The following FAM184A variants were observed in gnomAD, a reference collection of about 807,000 sequenced individuals.
FAM184A encodes the protein protein FAM184A.
In FAM184A, 99 loss-of-function variants were observed where a neutral mutation model predicts 143.8. The ratio of observed to expected loss-of-function variants is 0.69; its 90% CI spans 0.58 to 0.81. The LOEUF is 0.81. Among genes scored for constraint, FAM184A ranks in the 40% least tolerant of loss-of-function variants. The probability of loss-of-function intolerance (pLI) is 0.00; values close to 1 mark genes in which losing one functional copy is unlikely to be tolerated. For synonymous variants in FAM184A, 427 were observed against 446.4 expected (o/e 0.96, Z 0.55); for missense variants, 1,217 against 1,310.5 (o/e 0.93, Z 1.10).
chr6:119,048,346 T>C (rs1415465063), intron 1 of FAM184A, among the ~76,000 whole-genome samples: 1 of 152,134 alleles, frequency 6.6e-6, no homozygotes, highest in Non-Finnish European at 1.5e-5. Flanking sequence ...CTCTCACCAC[T>C]CTTATTCAAC....
Position 119,024,395 on chromosome 6 carries a change from G to C in FAM184A, c.578C>G (p.Ala193Gly). The change falls in exon 2 of 18, where the codon GCT becomes GGT. Residue 193 changes from alanine (A) to glycine (G), a missense_variant. Transcript: ENST00000338891. ...TAGCTCTTGTATCTCCCGTCTGTGA[G>C]CAGCTTGCAAGTCTTCCAATGCCAA... ...KRLALEDLQA[A>G]HRREIQELLK... is the part of the protein sequence containing the mutation. 6.2e-7 allele frequency: 1 copy of C among 1,614,156 alleles called. No homozygotes were observed. The highest frequency in any genetic ancestry group is 8.5e-7 in the Non-Finnish European group (1 of 1,180,042).
At chr6:119,036,880 AG>A (rs1198863128) in intron 1 of FAM184A, among the ~76,000 whole-genome samples, 4 of 152,224 alleles carry the variant, frequency 2.6e-5, no homozygotes, top group African/African-American at 9.7e-5. Flanking sequence ...TGGCATAATA[AG>A]TTTTCAGTAG....
intron 1 of FAM184A, among the ~76,000 whole-genome samples, chr6:119,123,237 A>C (rs1211386718): frequency 6.6e-6 from 1 of 151,942 alleles, no homozygotes. Context: ...AAAAATATAA[A>C]AATTAGCCGG....
At chr6:119,037,446 A>T (rs954909531) in intron 1 of FAM184A, among the ~76,000 whole-genome samples, 1 of 152,170 alleles carries the variant, frequency 6.6e-6, no homozygotes, top group African/African-American at 2.4e-5. Flanking sequence ...GACTACAAGC[A>T]TGTGCCACTA....
intron 1 of FAM184A, among the ~76,000 whole-genome samples, chr6:119,103,494 A>C (rs1313066939): frequency 6.6e-6 from 1 of 152,206 alleles, no homozygotes; most frequent in Admixed American, 6.5e-5. Context: ...TTGCTCTTTC[A>C]ATAATAAAAG....
At chr6:119,068,789 G>A (rs1391596677) in intron 1 of FAM184A, among the ~76,000 whole-genome samples, 1 of 152,060 alleles carries the variant, frequency 6.6e-6, no homozygotes, top group East Asian at 1.9e-4. Context: ...ATATATTAGA[G>A]ATTTGTAACC....
chr6:119,096,814 C>A (rs1055549753), intron 1 of FAM184A, among the ~76,000 whole-genome samples: 1 of 152,142 alleles, frequency 6.6e-6, no homozygotes, highest in Non-Finnish European at 1.5e-5. Flanking sequence ...TACTTCCCCA[C>A]CCCCACTCCT....
Position 118,991,543 on chromosome 6 carries a change from AAG to A in FAM184A, c.2089-11195_2089-11194del, listed in dbSNP as rs1477635975. Among the ~76,000 whole-genome samples, 2 of 152,042 alleles carry A rather than the reference AAG, an allele frequency of 1.3e-5. 1 individual carries two copies. The highest frequency in any genetic ancestry group is 6.4e-3 in the Middle Eastern group (2 of 312). On this transcript the variant is annotated intron_variant, in intron 9 of 17. Coordinates refer to ENST00000338891, the MANE Select transcript of FAM184A (RefSeq NM_024581.6). ...TAACTTTGGGGAAAGAGTACCTGGCAAGTGGATCAGCTAGCACAAAGCCCCTG... is the reference window on the plus strand; with the variant it reads ...TAACTTTGGGGAAAGAGTACCTGGCATGGATCAGCTAGCACAAAGCCCCTG...
At chr6:119,026,472 A>G (rs1785638359) in intron 1 of FAM184A, among the ~76,000 whole-genome samples, 1 of 152,090 alleles carries the variant, frequency 6.6e-6, no homozygotes, top group Non-Finnish European at 1.5e-5. Context: ...CAAGTGTACC[A>G]AAAATATAAT....
At chr6:119,040,205 T>C (rs528565124) in intron 1 of FAM184A, among the ~76,000 whole-genome samples, 12 of 152,296 alleles carry the variant, frequency 7.9e-5, no homozygotes, top group African/African-American at 2.6e-4. Context: ...TTGAATTCTT[T>C]CTTCTGAGGA....
intron 1 of FAM184A, among the ~76,000 whole-genome samples, chr6:119,075,024 C>T (rs1166430582): frequency 1.3e-5 from 2 of 152,218 alleles, no homozygotes; most frequent in Non-Finnish European, 2.9e-5. Flanking sequence ...ACAGCAAAGA[C>T]TGCTTTTTAA....
At chr6:119,095,672 C>T (rs1174804213) in intron 1 of FAM184A, among the ~76,000 whole-genome samples, 1 of 152,130 alleles carries the variant, frequency 6.6e-6, no homozygotes, top group East Asian at 1.9e-4. Context: ...GATCCTCCCA[C>T]CTCAGCCTCC....
intron 8 of FAM184A, 138 bp from the exon 9 acceptor site, chr6:119,003,187 T>C: frequency 1.3e-6 from 1 of 784,960 alleles, no homozygotes; most frequent in Non-Finnish European, 1.9e-6. Context: ...ATTATTTACT[T>C]AAGGGCTGTA....
Position 119,023,940 on chromosome 6 carries a change from T to C in FAM184A, c.1014+19A>G, listed in dbSNP as rs776724377. ...AAAGAAAAAAAATCCATGTGTTGAA[T>C]ATAATATTCTTTACTTACCTGAACA... is the stretch of plus-strand genomic sequence containing the variant. On this transcript the variant is annotated intron_variant, in intron 2 of 17. Coordinates refer to ENST00000338891, the MANE Select transcript of FAM184A (RefSeq NM_024581.6). The C allele has an allele frequency of 1.3e-6, 2 of 1,535,358 alleles. No homozygotes were observed. The highest frequency in any genetic ancestry group is 1.7e-6 in the Non-Finnish European group (2 of 1,148,432).
At chr6:119,044,459 T>C (rs74868820) in intron 1 of FAM184A, among the ~76,000 whole-genome samples, 4,633 of 152,202 alleles carry the variant, frequency 0.03, 98 homozygotes, top group Non-Finnish European at 0.048. Context: ...GGTATGCACT[T>C]AGAGTCCTAG....
chr6:119,119,270 AGTGTATTACCTT>A (rs1356675166), intron 1 of FAM184A, among the ~76,000 whole-genome samples: 1 of 152,186 alleles, frequency 6.6e-6, no homozygotes, highest in Non-Finnish European at 1.5e-5. Flanking sequence ...GCCTTGTGAT[AGTGTATTACCTT>A]GTGAAGCACG....
chr6:118,984,985 TC>T (rs1318139352), intron 9 of FAM184A, among the ~76,000 whole-genome samples: 2 of 152,176 alleles, frequency 1.3e-5, no homozygotes, highest in Non-Finnish European at 2.9e-5. Context: ...AAAGGAAAAG[TC>T]TCCTTCATTC....
chr6:118,966,840 GT>G lies in FAM184A; in HGVS notation c.3027del (p.Lys1009AsnfsTer2). The G allele has an allele frequency of 2.0e-6, 3 of 1,531,280 alleles. No individual in the cohort carries two copies. Among genetic ancestry groups the G allele is most frequent in the Non-Finnish European group, 2.7e-6 (3 of 1,115,184 alleles). The allele number at this position is 1,531,280 out of a possible 1,614,324, so 94.9% of individuals were successfully genotyped here. ...MLTERDQIIKKLIEDNKFYQL... is the reference protein window; with the variant it reads ...MLTERDQIIKXLIEDNKFYQL... ...CTAAAACCAAAATATCTTACAATTA[GT>G]TTCTTTATGATCTGGTCTCTTTCTG... On this transcript the variant is annotated frameshift_variant, in exon 15 of 18. Coordinates refer to ENST00000338891, the MANE Select transcript of FAM184A (RefSeq NM_024581.6). LOFTEE classifies it high-confidence loss of function.
At chr6:119,118,303 A>G (rs1189951482) in intron 1 of FAM184A, among the ~76,000 whole-genome samples, 1 of 152,238 alleles carries the variant, frequency 6.6e-6, no homozygotes, top group Admixed American at 6.5e-5. Flanking sequence ...CTGATCTCCT[A>G]AAGTTGTTGT....
Sources: allele counts gnomAD v4.1 joint callset (sites outside exome capture counted in the v4.1 genomes callset), GRCh38; gene constraint gnomAD v4.1.1; transcripts MANE v1.5; gene names NCBI Gene and HGNC (gene_info 2026-07-23, HGNC 2026-07-21).